The following HCCS variants were observed in gnomAD, a reference collection of about 807,000 sequenced individuals.
HCCS encodes holocytochrome c-type synthase.
In HCCS, 2 loss-of-function variants were observed where a neutral mutation model predicts 24.2. That is an observed-to-expected ratio of 0.08 (90% CI 0.03 to 0.26). The LOEUF is 0.26. Ranked by LOEUF, HCCS falls within the 10% of genes least tolerant of loss-of-function variation. The pLI is 1.00. For synonymous variants in HCCS, 73 were observed against 76.2 expected, an observed-to-expected ratio of 0.96 and a Z score of 0.22; for missense variants, 150 against 213.3, an observed-to-expected ratio of 0.70 and a Z score of 1.85.
At chrX:11,116,867 C>T (rs181136529) in intron 3 of HCCS, among the ~76,000 whole-genome samples, 51 of 112,609 alleles carry the variant, frequency 4.5e-4, no homozygotes, top group African/African-American at 1.5e-3. Flanking sequence ...TTTAAAAAAG[C>T]ATTGCTGTAC....
intron 3 of HCCS, chrX:11,116,058 CTT>C (rs1310358287): frequency 8.9e-6 from 1 of 112,163 alleles, no homozygotes; most frequent in Non-Finnish European, 1.9e-5. Flanking sequence ...TAACAGCTAA[CTT>C]TTCTTGTGGT....
chrX:11,112,839 C>G lies in HCCS; in HGVS notation c.100+679C>G, dbSNP rs193019833. Among the ~76,000 whole-genome samples, 3 of 112,527 alleles carry G rather than the reference C, an allele frequency of 2.7e-5. No homozygotes were observed. The East Asian group carries it at 8.5e-4, about 32-fold the overall frequency. On this transcript the variant is annotated intron_variant, in intron 2 of 6. Coordinates refer to ENST00000380762, the MANE Select transcript of HCCS (RefSeq NM_005333.5). ...AATATCTGGAGGCATTTTTGGTTGT[C>G]ACAACTGAGAGGAAAGTGAATAGAG... is the stretch of plus-strand genomic sequence containing the variant.
intron 3 of HCCS, chrX:11,116,234 C>T (rs760446112): frequency 1.8e-5 from 2 of 112,258 alleles, no homozygotes; most frequent in Non-Finnish European, 3.8e-5. Flanking sequence ...AAGCACCCTA[C>T]ATTCTCCCCT....
In HCCS at chrX:11,121,873, C is replaced by T. The variant is rs1001933308; in HGVS notation, c.*63C>T. 46 of 952,384 alleles carry T rather than the reference C, an allele frequency of 4.8e-5. No individual in the cohort carries two copies. Among genetic ancestry groups the T allele is most frequent in the Non-Finnish European group, 6.4e-5 (43 of 673,077 alleles). The allele number at this position is 952,384 out of a possible 1,213,427, so 78.5% of individuals were successfully genotyped here. A position where few individuals can be genotyped will look rare whatever the true frequency, so the allele number is the denominator to read the frequency against. ...TCTGAGCGATACATTAAACTATTTT[C>T]CCCAGATTGAATTGCACTCATGATG... On this transcript the variant is annotated 3_prime_UTR_variant, in exon 7 of 7. Coordinates refer to ENST00000380762, the MANE Select transcript of HCCS (RefSeq NM_005333.5).
intron 5 of HCCS, 134 bp downstream of exon 5, chrX:11,118,754 G>C: frequency 1.5e-6 from 1 of 664,312 alleles, no homozygotes; most frequent in Middle Eastern, 4.5e-4. Context: ...GACAATTGTT[G>C]CATGACAGGC....
intron 5 of HCCS, chrX:11,120,085 G>C: frequency 3.2e-6 from 1 of 310,853 alleles, no homozygotes; most frequent in South Asian, 3.0e-5. Flanking sequence ...TCCTCAAATA[G>C]AAGTCCTTTA....
At chrX:11,116,860 A>T (rs922593679) in intron 3 of HCCS, among the ~76,000 whole-genome samples, 1 of 112,831 alleles carries the variant, frequency 8.9e-6, no homozygotes, top group Admixed American at 9.3e-5. Flanking sequence ...ATATTTTTTT[A>T]AAAAAGCATT....
chrX:11,119,409 A>G (rs1023687474), intron 5 of HCCS, among the ~76,000 whole-genome samples: 6 of 111,377 alleles, frequency 5.4e-5, no homozygotes, highest in Non-Finnish European at 1.1e-4. Flanking sequence ...CATCAGGATC[A>G]TGGGGAAGGT....
intron 6 of HCCS, 65 bp downstream of exon 6, chrX:11,121,058 C>A: frequency 1.2e-6 from 1 of 858,454 alleles, no homozygotes; most frequent in Non-Finnish European, 1.7e-6. Flanking sequence ...CTCTTCACAC[C>A]AAAACCAGTC....
intron 2 of HCCS, 135 bp downstream of exon 2, chrX:11,112,295 G>A: frequency 4.0e-6 from 2 of 497,980 alleles, no homozygotes; most frequent in Non-Finnish European, 7.1e-6. Context: ...GACCAGCCTG[G>A]GCAACATGGC....
chrX:11,120,864 A>T (rs778414160), intron 5 of HCCS, 43 bp from the exon 6 acceptor site: 16 of 1,085,133 alleles, frequency 1.5e-5, no homozygotes, highest in Non-Finnish European at 2.1e-5. Flanking sequence ...TGTCAAAGAA[A>T]AGAAAATATT....
intron 3 of HCCS, among the ~76,000 whole-genome samples, chrX:11,115,468 A>C (rs2045441103): frequency 8.9e-6 from 1 of 112,115 alleles, no homozygotes; most frequent in East Asian, 2.8e-4. Context: ...GGTTGATGTG[A>C]CATCACTACA....
At chrX:11,118,919 C>G (rs188321465) in intron 5 of HCCS, among the ~76,000 whole-genome samples, 2 of 111,713 alleles carry the variant, frequency 1.8e-5, no homozygotes, top group Non-Finnish European at 3.8e-5. Flanking sequence ...GCTTCCGAGC[C>G]GTGGGCTAGA....
rs1182073694 is a variant in HCCS at position 11,122,919 on chromosome X, T to C, written c.*1109T>C. 3 of 111,281 alleles carry C rather than the reference T, an allele frequency of 2.7e-5. No homozygotes were observed. The highest frequency in any genetic ancestry group is 5.7e-5 in the Non-Finnish European group (3 of 53,091). 9.2% of individuals were successfully genotyped at this position (111,281 alleles called of 1,213,427 possible). ...ATTAAATCCTTTAATTTATCCTGAA[T>C]GCTGTAGTGTTAAATTAGTGGATGA... On this transcript the variant is annotated 3_prime_UTR_variant, in exon 7 of 7. Coordinates refer to ENST00000380762, the MANE Select transcript of HCCS (RefSeq NM_005333.5).
In HCCS at chrX:11,122,527, C is replaced by T. The variant is rs1477603648; in HGVS notation, c.*717C>T. The T allele has an allele frequency of 8.9e-6, 1 of 112,418 alleles. No homozygotes were observed. Among genetic ancestry groups the T allele is most frequent in the African/African-American group, 3.2e-5 (1 of 30,848 alleles). The allele number at this position is 112,418 out of a possible 1,213,427, so 9.3% of individuals were successfully genotyped here. On this transcript the variant is annotated 3_prime_UTR_variant, in exon 7 of 7. Transcript: ENST00000380762. ...TCTGCTCCCAACAAACAGGTCTCCT[C>T]ATTGTCCTTGGCATTTGACAAGTTA...
chrX:11,112,801 G>A (rs190397701), intron 2 of HCCS, among the ~76,000 whole-genome samples: 37 of 112,777 alleles, frequency 3.3e-4, no homozygotes, highest in Admixed American at 2.8e-3. Flanking sequence ...CCTTCCCACA[G>A]GGGACATTTG....
Position 11,112,045 on chromosome X carries a change from A to G in HCCS, c.-16A>G. ...TGGAAATTTAAAATTGTTTACAGTCAACACTGTTTCCAGCCATGGGTTTGT... is the reference window on the plus strand; with the variant it reads ...TGGAAATTTAAAATTGTTTACAGTCGACACTGTTTCCAGCCATGGGTTTGT... On this transcript the variant is annotated 5_prime_UTR_variant, in exon 2 of 7. Coordinates refer to ENST00000380762, the MANE Select transcript of HCCS (RefSeq NM_005333.5). The G allele has an allele frequency of 1.7e-6, 2 of 1,163,445 alleles. No homozygotes were observed. Among genetic ancestry groups the G allele is most frequent in the South Asian group, 3.6e-5 (2 of 55,948 alleles).
chrX:11,122,843 T>C lies in HCCS; in HGVS notation c.*1033T>C, dbSNP rs2045502817. ...GTAATCCATAAACTGGTTGTTCTAT[T>C]TATAGCAGCATGTTACAAATGACTG... On this transcript the variant is annotated 3_prime_UTR_variant, in exon 7 of 7. Transcript: ENST00000380762. The C allele has an allele frequency of 8.9e-6, 1 of 111,853 alleles. No homozygotes were observed. The highest frequency in any genetic ancestry group is 1.9e-5 in the Non-Finnish European group (1 of 53,227). 9.2% of individuals were successfully genotyped at this position (111,853 alleles called of 1,213,427 possible).
intron 5 of HCCS, among the ~76,000 whole-genome samples, chrX:11,120,234 G>A (rs964012289): frequency 2.2e-4 from 24 of 111,402 alleles, no homozygotes; most frequent in African/African-American, 7.8e-4. Context: ...TAGCCTGTAG[G>A]TGGGCTGTGA....
Sources: allele counts gnomAD v4.1 joint callset (sites outside exome capture counted in the v4.1 genomes callset), GRCh38; gene constraint gnomAD v4.1.1; transcripts MANE v1.5; gene names NCBI Gene and HGNC (gene_info 2026-07-23, HGNC 2026-07-21).